Variants in GUCY1A2 observed in about 807,000 individuals in gnomAD.
The protein encoded by GUCY1A2 is guanylate cyclase soluble subunit alpha-2.
A neutral mutation model predicts 63.5 loss-of-function variants in GUCY1A2; 27 were observed. The observed-to-expected ratio is 0.43, with a 90% confidence interval of 0.31 to 0.59. The LOEUF is 0.59. Among genes scored for constraint, GUCY1A2 ranks in the 20% least tolerant of loss-of-function variants. The pLI is 0.11. For missense variants in GUCY1A2, 768 were observed against 913.3 expected, an observed-to-expected ratio of 0.84 and a Z score of 2.05; for synonymous variants, 364 against 343.5, an observed-to-expected ratio of 1.06 and a Z score of -0.66.
intron 5 of GUCY1A2, among the ~76,000 whole-genome samples, chr11:106,802,351 C>T (rs1858617121): frequency 6.6e-6 from 1 of 152,090 alleles, no homozygotes; most frequent in South Asian, 2.1e-4. Context: ...TTTATTGATA[C>T]ACAAAAGAGA....
At chr11:106,904,468 G>C (rs977577253) in intron 4 of GUCY1A2, among the ~76,000 whole-genome samples, 1 of 152,086 alleles carries the variant, frequency 6.6e-6, no homozygotes, top group African/African-American at 2.4e-5. Flanking sequence ...AAGTTTTCAT[G>C]AACTTCTTTG....
In GUCY1A2 at chr11:106,681,123, T is replaced by G. The variant is rs1049405409; in HGVS notation, c.*6426A>C. On this transcript the variant is annotated 3_prime_UTR_variant, in exon 8 of 8. Coordinates refer to ENST00000526355, the MANE Select transcript of GUCY1A2 (RefSeq NM_000855.3). Reference sequence around the variant, plus strand: ...TTTCGAAATCTGAAAGCTTTAGTGTTTTTTCAGTATTACTGAATAATCATT... The same window carrying G: ...TTTCGAAATCTGAAAGCTTTAGTGTGTTTTCAGTATTACTGAATAATCATT... 9 of 211,534 alleles carry G rather than the reference T, an allele frequency of 4.3e-5. No homozygotes were observed. Among genetic ancestry groups the G allele is most frequent in the Non-Finnish European group, 8.6e-5 (9 of 104,054 alleles). 13.1% of individuals were successfully genotyped at this position (211,534 alleles called of 1,614,324 possible).
At chr11:106,928,245 A>G (rs944088214) in intron 4 of GUCY1A2, among the ~76,000 whole-genome samples, 3 of 152,208 alleles carry the variant, frequency 2.0e-5, no homozygotes, top group Non-Finnish European at 4.4e-5. Context: ...TGGCCAAAAA[A>G]GAGTCACTGC....
chr11:106,793,880 A>G (rs560146150), intron 5 of GUCY1A2, among the ~76,000 whole-genome samples: 1 of 152,288 alleles, frequency 6.6e-6, no homozygotes, highest in Non-Finnish European at 1.5e-5. Context: ...GAGAAAAGGG[A>G]ACATTTGTAC....
chr11:106,760,636 G>A (rs1220471895), intron 6 of GUCY1A2, among the ~76,000 whole-genome samples: 1 of 152,150 alleles, frequency 6.6e-6, no homozygotes, highest in Non-Finnish European at 1.5e-5. Flanking sequence ...TCCTGAAGAT[G>A]TACCACTATT....
At chr11:106,949,964 T>C (rs1860883624) in intron 3 of GUCY1A2, among the ~76,000 whole-genome samples, 1 of 152,194 alleles carries the variant, frequency 6.6e-6, no homozygotes, top group Non-Finnish European at 1.5e-5. Context: ...GCATAATATA[T>C]GTAGTGATAG....
At position 106,978,620 on chromosome 11, in the gene GUCY1A2, G is replaced by T; in HGVS notation, c.486C>A (p.Leu162=). The T allele has an allele frequency of 6.7e-7, 1 of 1,492,546 alleles. No individual in the cohort carries two copies. Among genetic ancestry groups the T allele is most frequent in the Non-Finnish European group, 9.3e-7 (1 of 1,075,350 alleles). The allele number at this position is 1,492,546 out of a possible 1,614,324, so 92.5% of individuals were successfully genotyped here. ...TATAAATATATATAGTTAATATACCGAGTATATTAGCAGTACACTGAAGAA... is the reference window on the plus strand; with the variant it reads ...TATAAATATATATAGTTAATATACCTAGTATATTAGCAGTACACTGAAGAA... ...SGILQCTANI[L]GLKFEEIQKR... is the part of the protein sequence containing the mutation. Residue 162 remains leucine (L), a splice_region_variant and synonymous_variant, in exon 3 of 8, where the codon CTC becomes CTA. Coordinates refer to ENST00000526355, the MANE Select transcript of GUCY1A2 (RefSeq NM_000855.3).
intron 4 of GUCY1A2, among the ~76,000 whole-genome samples, chr11:106,893,320 A>G (rs1428868698): frequency 6.6e-6 from 1 of 152,204 alleles, no homozygotes; most frequent in Non-Finnish European, 1.5e-5. Flanking sequence ...TGTTGGTTAA[A>G]GGCATCTTGC....
intron 4 of GUCY1A2, among the ~76,000 whole-genome samples, chr11:106,842,302 A>G (rs1464807485): frequency 6.6e-6 from 1 of 151,850 alleles, no homozygotes; most frequent in Admixed American, 6.6e-5. Context: ...TTTCCTTAAG[A>G]TTGCCCACAA....
intron 6 of GUCY1A2, among the ~76,000 whole-genome samples, chr11:106,723,379 CTT>C (rs1177427963): frequency 6.6e-6 from 1 of 152,202 alleles, no homozygotes. Context: ...ATTTCCTACA[CTT>C]TATTTTGACT....
At chr11:106,769,977 C>T (rs916987536) in intron 6 of GUCY1A2, among the ~76,000 whole-genome samples, 1 of 151,766 alleles carries the variant, frequency 6.6e-6, no homozygotes, top group Non-Finnish European at 1.5e-5. Context: ...CCTGTGTATC[C>T]ACAGGTTTCA....
rs375370394 is a variant in GUCY1A2 at position 106,905,840 on chromosome 11, T to A, written c.1206+33620A>T. On this transcript the variant is annotated intron_variant, in intron 4 of 7. Transcript: ENST00000526355. Reference sequence around the variant, plus strand: ...CCTATGTTTTGCATGTATGTACAGATTTCTGTGACAAGGTTTATCACTAGT... The same window carrying A: ...CCTATGTTTTGCATGTATGTACAGAATTCTGTGACAAGGTTTATCACTAGT... Among the ~76,000 whole-genome samples the A allele has an allele frequency of 6.6e-5, 10 of 152,254 alleles. No homozygotes were observed. The East Asian group carries it at 7.7e-4, about 12-fold the overall frequency.
At chr11:106,989,093 AGACT>A (rs1046000935) in intron 1 of GUCY1A2, among the ~76,000 whole-genome samples, 3 of 152,206 alleles carry the variant, frequency 2.0e-5, no homozygotes, top group African/African-American at 7.2e-5. Context: ...GAAAACATGC[AGACT>A]GTCTATCCTC....
chr11:106,758,093 C>T (rs550443157), intron 6 of GUCY1A2, among the ~76,000 whole-genome samples: 38 of 152,322 alleles, frequency 2.5e-4, no homozygotes, highest in African/African-American at 8.4e-4. Flanking sequence ...TGCTGAGCTG[C>T]GGTGGGCTCC....
intron 6 of GUCY1A2, among the ~76,000 whole-genome samples, chr11:106,713,496 C>CTTTTTTTTTTTTTTTT (rs143909145): frequency 1.4e-4 from 11 of 78,394 alleles, no homozygotes; most frequent in African/African-American, 5.0e-4. Context: ...TAGTATGTTT[C>CTTTTTTTTTTTTTTTT]TTTTTTTTTT....
chr11:106,970,415 A>G (rs1020265613), intron 3 of GUCY1A2, among the ~76,000 whole-genome samples: 4 of 152,204 alleles, frequency 2.6e-5, no homozygotes, highest in Admixed American at 2.0e-4. Flanking sequence ...ATTCAGTCAT[A>G]ATATCAGGAA....
intron 3 of GUCY1A2, among the ~76,000 whole-genome samples, chr11:106,952,796 C>A (rs563209147): frequency 1.1e-4 from 17 of 152,150 alleles, no homozygotes; most frequent in African/African-American, 4.1e-4. Context: ...TGCACTACCA[C>A]ACCTGGCTAA....
intron 4 of GUCY1A2, among the ~76,000 whole-genome samples, chr11:106,882,212 T>C (rs1040159436): frequency 1.3e-5 from 2 of 151,984 alleles, no homozygotes; most frequent in African/African-American, 4.8e-5. Context: ...TATAGATGCA[T>C]CACCATTATC....
chr11:106,952,043 G>A (rs765567123), intron 3 of GUCY1A2, among the ~76,000 whole-genome samples: 30 of 152,124 alleles, frequency 2.0e-4, no homozygotes, highest in Non-Finnish European at 2.9e-4. Flanking sequence ...AGATCAGATG[G>A]TTGCAGATAT....
Sources: allele counts gnomAD v4.1 joint callset (sites outside exome capture counted in the v4.1 genomes callset), GRCh38; gene constraint gnomAD v4.1.1; transcripts MANE v1.5; gene names NCBI Gene and HGNC (gene_info 2026-07-23, HGNC 2026-07-21).